The following QTMAN variants were observed in gnomAD, a reference collection of about 807,000 sequenced individuals.
QTMAN encodes tRNA-queuosine alpha-mannosyltransferase.
At chr2:144,308,973 T>A in the QTMAN span, among the ~76,000 whole-genome samples, 2 of 152,204 alleles carry the variant, frequency 1.3e-5, no homozygotes, top group Non-Finnish European at 2.9e-5. Flanking sequence ...TTTCATCAGC[T>A]ATTTCACAAA....
chr2:144,322,997 A>C, the QTMAN span, among the ~76,000 whole-genome samples: 1 of 152,180 alleles, frequency 6.6e-6, no homozygotes, highest in Non-Finnish European at 1.5e-5. Flanking sequence ...AGCTTTCTAA[A>C]ATTTTAATTT....
At chr2:144,159,489 G>C in the QTMAN span, among the ~76,000 whole-genome samples, 1 of 151,956 alleles carries the variant, frequency 6.6e-6, no homozygotes, top group Non-Finnish European at 1.5e-5. Context: ...TTCACAAATG[G>C]AAAGAAACAG....
the QTMAN span, among the ~76,000 whole-genome samples, chr2:144,308,369 T>TC: frequency 6.6e-6 from 1 of 152,028 alleles, no homozygotes. Context: ...GGTTTCACTA[T>TC]GTTAGCCAGG....
the QTMAN span, chr2:143,945,982 T>A: frequency 6.6e-6 from 1 of 152,252 alleles, no homozygotes; most frequent in Non-Finnish European, 1.5e-5. Flanking sequence ...CATAGGTAGA[T>A]GTATACATCT....
At chr2:144,286,581 T>C in the QTMAN span, among the ~76,000 whole-genome samples, 1 of 152,244 alleles carries the variant, frequency 6.6e-6, no homozygotes, top group East Asian at 1.9e-4. Flanking sequence ...CAAGGGTGAG[T>C]TCTAAGCAAG....
At chr2:144,136,395 AAAAGGAAAGG>A in the QTMAN span, among the ~76,000 whole-genome samples, 602 of 97,448 alleles carry the variant, frequency 6.2e-3, 3 homozygotes, top group South Asian at 8.6e-3. Flanking sequence ...AAGGAAAAGG[AAAAGGAAAGG>A]AAAGGAAAGG....
chr2:144,248,539 A>G, the QTMAN span, among the ~76,000 whole-genome samples: 56 of 152,336 alleles, frequency 3.7e-4, no homozygotes, highest in South Asian at 9.9e-3. Context: ...CAGTTTACAC[A>G]TGCCACTATC....
the QTMAN span, among the ~76,000 whole-genome samples, chr2:144,242,087 G>A: frequency 6.6e-6 from 1 of 151,966 alleles, no homozygotes; most frequent in Non-Finnish European, 1.5e-5. Context: ...AGCACAGGAG[G>A]AGAAAAAACA....
chr2:144,070,982 T>C, the QTMAN span, among the ~76,000 whole-genome samples: 1 of 151,966 alleles, frequency 6.6e-6, no homozygotes, highest in African/African-American at 2.4e-5. Flanking sequence ...AATTAAGAGG[T>C]AGTCATGATG....
At chr2:144,029,704 C>G in the QTMAN span, among the ~76,000 whole-genome samples, 1 of 152,114 alleles carries the variant, frequency 6.6e-6, no homozygotes, top group Non-Finnish European at 1.5e-5. Context: ...TAACTAGACA[C>G]CAGTATCAAA....
the QTMAN span, among the ~76,000 whole-genome samples, chr2:143,989,457 C>T: frequency 1.3e-5 from 2 of 152,064 alleles, no homozygotes; most frequent in South Asian, 2.1e-4. Flanking sequence ...CCAAAACATC[C>T]ATCTCCTCCA....
chr2:143,984,181 G>C, the QTMAN span, among the ~76,000 whole-genome samples: 1 of 152,166 alleles, frequency 6.6e-6, no homozygotes, highest in African/African-American at 2.4e-5. Context: ...CTGAAATTGG[G>C]GGAGTAAACT....
At chr2:144,022,709 G>A in the QTMAN span, among the ~76,000 whole-genome samples, 9 of 151,822 alleles carry the variant, frequency 5.9e-5, no homozygotes, top group Admixed American at 3.3e-4. Flanking sequence ...GACTACAGAC[G>A]CACGCCACTG....
chr2:144,007,602 TC>T, the QTMAN span: 6 of 978,498 alleles, frequency 6.1e-6, no homozygotes, highest in Non-Finnish European at 8.9e-6. Context: ...TCCTTTACCT[TC>T]CTGTAAGTAC....
the QTMAN span, among the ~76,000 whole-genome samples, chr2:143,954,615 A>C: frequency 1.3e-5 from 2 of 152,078 alleles, no homozygotes; most frequent in East Asian, 3.8e-4. Context: ...CTAATTCATC[A>C]AGGAAAAAAC....
the QTMAN span, among the ~76,000 whole-genome samples, chr2:144,107,341 A>T: frequency 2.6e-5 from 4 of 152,228 alleles, no homozygotes; most frequent in Non-Finnish European, 4.4e-5. Flanking sequence ...AAACATCAAC[A>T]AAATTGATAT....
At chr2:144,125,762 A>G in the QTMAN span, among the ~76,000 whole-genome samples, 1 of 152,126 alleles carries the variant, frequency 6.6e-6, no homozygotes, top group Non-Finnish European at 1.5e-5. Context: ...TACCCATGAA[A>G]CATGCTACAA....
At chr2:144,059,427 G>C in the QTMAN span, among the ~76,000 whole-genome samples, 6 of 152,138 alleles carry the variant, frequency 3.9e-5, no homozygotes, top group South Asian at 6.2e-4. Flanking sequence ...CCTTATAACA[G>C]AGCATTTAGT....
chr2:144,299,606 T>C, the QTMAN span, among the ~76,000 whole-genome samples: 1 of 152,340 alleles, frequency 6.6e-6, no homozygotes, highest in East Asian at 1.9e-4. Context: ...GAGTTCTCTT[T>C]TTTAATTTTT....
Sources: gnomAD v4.1 joint callset for allele counts (sites outside exome capture counted in the v4.1 genomes callset) on GRCh38, gnomAD v4.1.1 for gene constraint, MANE v1.5 for transcripts, NCBI Gene and HGNC (gene_info 2026-07-23, HGNC 2026-07-21) for gene names.